Variants in OTUD7A observed in about 807,000 individuals in gnomAD.
OTUD7A encodes OTU deubiquitinase 7A.
In OTUD7A, 12 loss-of-function variants were observed where a neutral mutation model predicts 65.7. The observed-to-expected ratio is 0.18, with a 90% confidence interval of 0.12 to 0.30. The LOEUF is 0.30. Ranked by LOEUF, OTUD7A falls within the 10% of genes least tolerant of loss-of-function variation. The probability of loss-of-function intolerance (pLI) is 1.00; values close to 1 mark genes in which losing one functional copy is unlikely to be tolerated. For synonymous variants in OTUD7A, 641 were observed against 586.3 expected, an observed-to-expected ratio of 1.09 and a Z score of -1.35; for missense variants, 1,148 against 1,304.8, an observed-to-expected ratio of 0.88 and a Z score of 1.85.
intron 1 of OTUD7A, among the ~76,000 whole-genome samples, chr15:31,669,437 C>T (rs937628824): frequency 2.6e-5 from 4 of 152,100 alleles, no homozygotes; most frequent in Admixed American, 1.3e-4. Context: ...GAGGGAAAGC[C>T]GGCAGTCGCA....
intron 3 of OTUD7A, among the ~76,000 whole-genome samples, chr15:31,616,981 G>A (rs1890608249): frequency 6.6e-6 from 1 of 152,124 alleles, no homozygotes; most frequent in Non-Finnish European, 1.5e-5. Context: ...ATCTCAAACA[G>A]TTTTAAGAAA....
At chr15:31,526,538 G>T (rs574206653) in intron 7 of OTUD7A, 77 bp from the exon 8 acceptor site, 2 of 1,239,756 alleles carry the variant, frequency 1.6e-6, no homozygotes, top group East Asian at 5.4e-5. Context: ...TCCCAATCTG[G>T]ACCAGCCTCA....
At chr15:31,732,761 CA>C (rs5811660) in intron 1 of OTUD7A, among the ~76,000 whole-genome samples, 17,662 of 152,200 alleles carry the variant, frequency 0.12, 1,402 homozygotes, top group East Asian at 0.43. Context: ...ACAAAGAAGA[CA>C]AAGAGTGACA....
intron 3 of OTUD7A, among the ~76,000 whole-genome samples, chr15:31,586,222 G>A (rs556542003): frequency 3.3e-5 from 5 of 152,334 alleles, no homozygotes; most frequent in African/African-American, 7.2e-5. Context: ...TGCAGACAGC[G>A]CAGATGTGGT....
intron 10 of OTUD7A, among the ~76,000 whole-genome samples, chr15:31,496,518 C>T (rs1229923948): frequency 1.3e-5 from 2 of 152,116 alleles, no homozygotes; most frequent in South Asian, 2.1e-4. Context: ...CACCGCGCCC[C>T]GCCGATAAAT....
intron 1 of OTUD7A, among the ~76,000 whole-genome samples, chr15:31,748,352 T>C (rs1894535650): frequency 6.6e-6 from 1 of 151,664 alleles, no homozygotes; most frequent in African/African-American, 2.4e-5. Flanking sequence ...TATAAATATA[T>C]ATTCATAAAT....
chr15:31,868,405 G>C (rs28470848), intron 1 of OTUD7A, among the ~76,000 whole-genome samples: 5,469 of 152,308 alleles, frequency 0.036, 359 homozygotes, highest in African/African-American at 0.12. Flanking sequence ...TACGGGGCCA[G>C]ATTGATTTCA....
intron 12 of OTUD7A, among the ~76,000 whole-genome samples, chr15:31,485,115 C>T (rs984738104): frequency 7.2e-5 from 11 of 152,156 alleles, no homozygotes; most frequent in African/African-American, 2.7e-4. Context: ...CAATTTAGAA[C>T]GGTCAGGTTC....
At chr15:31,752,925 C>A (rs73378643) in intron 1 of OTUD7A, among the ~76,000 whole-genome samples, 2,595 of 152,258 alleles carry the variant, frequency 0.017, 79 homozygotes, top group African/African-American at 0.059. Flanking sequence ...AACAACTGCA[C>A]AGATGGTGAT....
chr15:31,797,312 G>A (rs187964055), intron 1 of OTUD7A, among the ~76,000 whole-genome samples: 1 of 152,334 alleles, frequency 6.6e-6, no homozygotes, highest in East Asian at 1.9e-4. Flanking sequence ...TCACAAAACA[G>A]AACACAAACC....
At chr15:31,851,996 T>C (rs896872161) in intron 1 of OTUD7A, among the ~76,000 whole-genome samples, 7 of 152,140 alleles carry the variant, frequency 4.6e-5, no homozygotes, top group Middle Eastern at 3.2e-3. Flanking sequence ...GTAGCTGAGA[T>C]TACAGGCGCG....
At chr15:31,573,986 CAAT>C (rs1001737532) in intron 3 of OTUD7A, among the ~76,000 whole-genome samples, 1 of 151,646 alleles carries the variant, frequency 6.6e-6, no homozygotes, top group Non-Finnish European at 1.5e-5. Context: ...GAAGGGCAAA[CAAT>C]AAGAACAGAC....
At chr15:31,827,765 A>G (rs1896832792) in intron 1 of OTUD7A, among the ~76,000 whole-genome samples, 1 of 152,054 alleles carries the variant, frequency 6.6e-6, no homozygotes, top group South Asian at 2.1e-4. Context: ...TGTCTCTACT[A>G]AAAATACAAA....
intron 1 of OTUD7A, among the ~76,000 whole-genome samples, chr15:31,774,948 G>A (rs1013409202): frequency 2.1e-5 from 3 of 144,224 alleles, no homozygotes; most frequent in Admixed American, 7.0e-5. Flanking sequence ...ATGCCTTCTC[G>A]GTGGAACAGT....
At chr15:31,845,773 G>A (rs1459883831) in intron 1 of OTUD7A, among the ~76,000 whole-genome samples, 1 of 152,236 alleles carries the variant, frequency 6.6e-6, no homozygotes, top group Non-Finnish European at 1.5e-5. Context: ...CCTGGCCTAA[G>A]CACTTGCCAG....
At chr15:31,650,082 C>G (rs997347347) in intron 3 of OTUD7A, among the ~76,000 whole-genome samples, 1 of 110,884 alleles carries the variant, frequency 9.0e-6, no homozygotes, top group Non-Finnish European at 1.7e-5. Context: ...CTTCTCTGTG[C>G]CCCAGACCTC....
In OTUD7A at chr15:31,845,669, T is replaced by C. The variant is rs962321395; in HGVS notation, c.-100+24838A>G. Among the ~76,000 whole-genome samples the C allele has an allele frequency of 2.3e-4, 35 of 152,166 alleles. 2 individuals are homozygous for C. Among genetic ancestry groups the C allele is most frequent in the African/African-American group, 2.4e-5 (1 of 41,464 alleles). Reference sequence around the variant, plus strand: ...CTCTGCGACCTCCCACTGCTCTTCATACTAGGCCCCTCCTAGCACCTCTGC... The same window carrying C: ...CTCTGCGACCTCCCACTGCTCTTCACACTAGGCCCCTCCTAGCACCTCTGC... On this transcript the variant is annotated intron_variant, in intron 1 of 12. Coordinates refer to ENST00000307050, the MANE Select transcript of OTUD7A (RefSeq NM_001382637.1).
At chr15:31,833,170 A>T (rs1157887531) in intron 1 of OTUD7A, among the ~76,000 whole-genome samples, 1 of 152,234 alleles carries the variant, frequency 6.6e-6, no homozygotes. Context: ...TTTCCCAGAG[A>T]AAAAATGAAG....
chr15:31,795,020 T>G (rs1895916146), intron 1 of OTUD7A, among the ~76,000 whole-genome samples: 1 of 152,242 alleles, frequency 6.6e-6, no homozygotes, highest in Admixed American at 6.5e-5. Context: ...CTATAAATCT[T>G]TTAAATAATA....
Sources: allele counts gnomAD v4.1 joint callset (sites outside exome capture counted in the v4.1 genomes callset), GRCh38; gene constraint gnomAD v4.1.1; transcripts MANE v1.5; gene names NCBI Gene and HGNC (gene_info 2026-07-23, HGNC 2026-07-21).